CPVL: variants seen among roughly 807,000 people sequenced by gnomAD.
CPVL encodes the protein carboxypeptidase vitellogenic like, also known as probable serine carboxypeptidase CPVL.
Under a neutral mutation model 63.7 loss-of-function variants are expected in CPVL, and 51 were observed. That is an observed-to-expected ratio of 0.80 (90% CI 0.64 to 1.01). The LOEUF is 1.01. Ranked by LOEUF, CPVL falls within the 50% of genes least tolerant of loss-of-function variation. The pLI, the probability that CPVL is intolerant of heterozygous loss-of-function variation, is 0.00. For missense variants in CPVL, 530 were observed against 573.1 expected, an observed-to-expected ratio of 0.92 and a Z score of 0.77; for synonymous variants, 195 against 206.0, an observed-to-expected ratio of 0.95 and a Z score of 0.46.
chr7:29,056,425 G>C (rs1279205707), intron 11 of CPVL, among the ~76,000 whole-genome samples: 1 of 152,148 alleles, frequency 6.6e-6, no homozygotes, highest in African/African-American at 2.4e-5. Context: ...ATGTCACATA[G>C]TTGGGATCAT....
intron 3 of CPVL, among the ~76,000 whole-genome samples, chr7:29,096,740 T>C (rs1786442068): frequency 6.6e-6 from 1 of 152,000 alleles, no homozygotes; most frequent in Admixed American, 6.6e-5. Flanking sequence ...TCCCAGCACT[T>C]TGGGAGGCCG....
At chr7:29,150,966 G>A (rs921760988), upstream of CPVL, among the ~76,000 whole-genome samples, 1 of 152,144 alleles carries the variant, frequency 6.6e-6, no homozygotes, top group African/African-American at 2.4e-5. Flanking sequence ...GGGAGGGGTG[G>A]GTGGTAGATC....
At chr7:29,119,882 T>A (rs911436327) in intron 2 of CPVL, among the ~76,000 whole-genome samples, 3 of 152,120 alleles carry the variant, frequency 2.0e-5, no homozygotes, top group African/African-American at 4.8e-5. Flanking sequence ...TGGTTTCACA[T>A]GTGTAAAATG....
chr7:29,092,300 T>G (rs562724209), intron 6 of CPVL, among the ~76,000 whole-genome samples: 1 of 151,678 alleles, frequency 6.6e-6, no homozygotes, highest in Admixed American at 6.6e-5. Flanking sequence ...AGTAAAAAAT[T>G]GCATCCAAAA....
chr7:29,063,015 C>T (rs1782782557), intron 11 of CPVL, among the ~76,000 whole-genome samples: 1 of 152,058 alleles, frequency 6.6e-6, no homozygotes, highest in South Asian at 2.1e-4. Flanking sequence ...CACTGGAGGA[C>T]CAGAGGAGGA....
chr7:29,169,644 C>T (rs1796342565), intron 5 of CPVL, among the ~76,000 whole-genome samples: 1 of 152,050 alleles, frequency 6.6e-6, no homozygotes, highest in Non-Finnish European at 1.5e-5. Context: ...TCTGCCTTTT[C>T]ATGTCCTATG....
intron 7 of CPVL, 109 bp downstream of exon 7, chr7:29,086,375 T>A: frequency 1.4e-6 from 1 of 721,598 alleles, no homozygotes; most frequent in South Asian, 1.7e-5. Context: ...TTGATATGTA[T>A]GTGTACATGT....
chr7:29,096,916 C>T (rs926440276), intron 3 of CPVL, among the ~76,000 whole-genome samples: 1 of 141,944 alleles, frequency 7.0e-6, no homozygotes. Context: ...ACCCTGGAGA[C>T]GGAGGTTGCA....
chr7:29,167,754 A>T (rs1438210974), intron 5 of CPVL, among the ~76,000 whole-genome samples: 7 of 152,246 alleles, frequency 4.6e-5, no homozygotes, highest in African/African-American at 1.7e-4. Context: ...TTCCCTAAAC[A>T]TTTCCAGTTT....
At chr7:29,020,782 A>C (rs1295870967) in intron 12 of CPVL, among the ~76,000 whole-genome samples, 1 of 152,256 alleles carries the variant, frequency 6.6e-6, no homozygotes, top group Admixed American at 6.5e-5. Context: ...TAAAGATAAA[A>C]ATTGGTTCTT....
intron 1 of CPVL, among the ~76,000 whole-genome samples, chr7:29,139,891 T>G: frequency 6.6e-6 from 1 of 152,214 alleles, no homozygotes; most frequent in South Asian, 2.1e-4. Flanking sequence ...AATAATATTC[T>G]TCATCAAGTA....
chr7:29,095,170 T>A (rs370116689), intron 4 of CPVL, 28 bp from the exon 5 acceptor site: 15 of 1,592,622 alleles, frequency 9.4e-6, no homozygotes, highest in Non-Finnish European at 1.3e-5. Context: ...AGGGGTGAGA[T>A]AGAGTCGTGG....
chr7:29,182,394 AC>A (rs1798172907), intron 4 of CPVL, among the ~76,000 whole-genome samples: 1 of 118,512 alleles, frequency 8.4e-6, no homozygotes, highest in Non-Finnish European at 2.0e-5. Context: ...TTGTGATATG[AC>A]ACATAGAGTG....
At chr7:29,081,779 T>C (rs557479740) in intron 7 of CPVL, among the ~76,000 whole-genome samples, 1 of 152,200 alleles carries the variant, frequency 6.6e-6, no homozygotes, top group Non-Finnish European at 1.5e-5. Flanking sequence ...ATAGTCATCA[T>C]GTGTTGGGTA....
At chr7:29,137,776 T>C (rs924519309) in intron 1 of CPVL, among the ~76,000 whole-genome samples, 4 of 152,128 alleles carry the variant, frequency 2.6e-5, no homozygotes, top group African/African-American at 9.7e-5. Flanking sequence ...TTTTGGGAGG[T>C]CATAGAATTT....
At chr7:29,189,772 C>T (rs745931459) in intron 1 of CPVL, among the ~76,000 whole-genome samples, 4 of 152,084 alleles carry the variant, frequency 2.6e-5, no homozygotes, top group Non-Finnish European at 4.4e-5. Flanking sequence ...CTGCATGTGC[C>T]GATCTGATCC....
intron 3 of CPVL, among the ~76,000 whole-genome samples, chr7:29,102,196 G>A (rs919327000): frequency 2.0e-5 from 3 of 152,048 alleles, no homozygotes; most frequent in African/African-American, 7.3e-5. Context: ...GTGTTTCAGC[G>A]TCCTCTGATT....
chr7:29,179,464 C>G lies in CPVL; in HGVS notation c.-11+1826G>C, dbSNP rs181842446. Among the ~76,000 whole-genome samples the G allele has an allele frequency of 2.8e-4, 43 of 152,342 alleles. No homozygotes were observed. The East Asian group carries it at 6.8e-3, about 24-fold the overall frequency. ...AGTCTGAGAATTTTTTGACCACTCTCAGATGCTAGAAAATCCAGGAACCCA... is the reference window on the plus strand; with the variant it reads ...AGTCTGAGAATTTTTTGACCACTCTGAGATGCTAGAAAATCCAGGAACCCA... On this transcript the variant is annotated intron_variant, in intron 5 of 16. Coordinates refer to the CPVL transcript ENST00000409850.
chr7:29,136,808 T>C (rs549455461), intron 1 of CPVL, among the ~76,000 whole-genome samples: 8 of 152,316 alleles, frequency 5.3e-5, no homozygotes, highest in Admixed American at 6.5e-5. Flanking sequence ...TACTTCCCTA[T>C]TTTTCATCTT....
Sources: allele counts gnomAD v4.1 joint callset (sites outside exome capture counted in the v4.1 genomes callset), GRCh38; gene constraint gnomAD v4.1.1; transcripts MANE v1.5; gene names NCBI Gene and HGNC (gene_info 2026-07-23, HGNC 2026-07-21).